The following BRD7 variants were observed in gnomAD, a reference collection of about 807,000 sequenced individuals.
BRD7 encodes the protein bromodomain containing 7.
A neutral mutation model predicts 82.1 loss-of-function variants in BRD7; 15 were observed. That is an observed-to-expected ratio of 0.18 (90% CI 0.12 to 0.28). BRD7 has a LOEUF of 0.28. Ranked by LOEUF, BRD7 falls within the 10% of genes least tolerant of loss-of-function variation. The pLI is 1.00. For missense variants in BRD7, 638 were observed against 779.9 expected (o/e 0.82, Z 2.17); for synonymous variants, 232 against 266.9 (o/e 0.87, Z 1.27).
chr16:50,351,911 G>A (rs1380801772), intron 4 of BRD7, among the ~76,000 whole-genome samples: 1 of 148,786 alleles, frequency 6.7e-6, no homozygotes, highest in African/African-American at 2.5e-5. Flanking sequence ...CCAAACACTT[G>A]TTATTTCTTT....
chr16:50,333,368 T>A (rs1169534321), intron 8 of BRD7, among the ~76,000 whole-genome samples: 1 of 152,178 alleles, frequency 6.6e-6, no homozygotes, highest in African/African-American at 2.4e-5. Context: ...GTTGAAAATA[T>A]CATGAGTTGA....
chr16:50,344,343 C>G (rs564609637), intron 5 of BRD7, among the ~76,000 whole-genome samples: 10 of 152,294 alleles, frequency 6.6e-5, no homozygotes, highest in African/African-American at 2.2e-4. Flanking sequence ...TTCTACAAAT[C>G]AGAGCACCTC....
intron 7 of BRD7, 144 bp downstream of exon 7, chr16:50,334,567 A>G: frequency 1.1e-6 from 1 of 911,452 alleles, no homozygotes; most frequent in Non-Finnish European, 1.7e-6. Flanking sequence ...GTATCACACC[A>G]TCAAAATGGA....
intron 1 of BRD7, 152 bp from the exon 2 acceptor site, chr16:50,368,450 G>C (rs1041832210): frequency 3.3e-6 from 3 of 917,330 alleles, no homozygotes; most frequent in South Asian, 3.6e-5. Context: ...ACCCCGGCCC[G>C]GGGGTGCGGC....
At chr16:50,329,055 T>C (rs2037453808) in intron 8 of BRD7, among the ~76,000 whole-genome samples, 1 of 152,228 alleles carries the variant, frequency 6.6e-6, no homozygotes, top group African/African-American at 2.4e-5. Context: ...TTTCAGATTT[T>C]GGAGAATTTC....
chr16:50,350,094 G>A lies in BRD7; in HGVS notation c.520C>T (p.His174Tyr), dbSNP rs116822430. The A allele has an allele frequency of 8.1e-6, 13 of 1,604,484 alleles. No individual in the cohort carries two copies. The East Asian group carries it at 2.9e-4, about 36-fold the overall frequency. Residue 174 changes from histidine to tyrosine, a missense_variant, in exon 5 of 17, where the codon CAC (histidine) becomes TAC (tyrosine). Physicochemically the swap from His to Tyr is moderately conservative, Grantham distance 83. This residue lies in a region of BRD7 where 64 missense variants were observed against 123.8 expected (regional missense o/e 0.52). Coordinates refer to ENST00000394688, the MANE Select transcript of BRD7 (RefSeq NM_013263.5). ...TTCATGGTACTAAAATCCATTGGGT[G>A]TTTAATGATCATGGAGTAGCCAGGA... ...IAPGYSMIIK[H>Y]PMDFSTMKEK...
chr16:50,365,852 A>G (rs2039123109), intron 2 of BRD7, among the ~76,000 whole-genome samples: 1 of 152,146 alleles, frequency 6.6e-6, no homozygotes, highest in African/African-American at 2.4e-5. Context: ...TCTAAAGGGC[A>G]GGAGTTCCAG....
chr16:50,333,889 A>G (rs951626841), intron 7 of BRD7, among the ~76,000 whole-genome samples, 192 bp from the exon 8 acceptor site: 1 of 152,228 alleles, frequency 6.6e-6, no homozygotes, highest in Non-Finnish European at 1.5e-5. Context: ...CACACCTAAC[A>G]TGTTATTTCC....
intron 5 of BRD7, among the ~76,000 whole-genome samples, chr16:50,343,019 C>G (rs1466146761): frequency 1.3e-5 from 2 of 152,166 alleles, no homozygotes; most frequent in Non-Finnish European, 2.9e-5. Flanking sequence ...TTTCTATACT[C>G]TTCTTAAAGC....
intron 16 of BRD7, among the ~76,000 whole-genome samples, chr16:50,319,498 A>AT (rs543992909): frequency 9.8e-5 from 15 of 152,360 alleles, no homozygotes; most frequent in African/African-American, 3.1e-4. Context: ...TAGTTTATAC[A>AT]TTAAAAACAG....
In BRD7 at chr16:50,318,981, T is replaced by G. The variant is rs756269860; in HGVS notation, c.*230A>C. The G allele has an allele frequency of 1.8e-4, 81 of 456,986 alleles. No individual in the cohort carries two copies. The highest frequency in any genetic ancestry group is 2.8e-4 in the Non-Finnish European group (70 of 254,290). 28.3% of individuals were successfully genotyped at this position (456,986 alleles called of 1,614,324 possible). On this transcript the variant is annotated 3_prime_UTR_variant, in exon 17 of 17. Coordinates refer to ENST00000394688, the MANE Select transcript of BRD7 (RefSeq NM_013263.5). ...GAAGAAGCATTGGAAGGCACTATTT[T>G]GAAAGAATGCTGCACAGGTATGGCA... is the stretch of plus-strand genomic sequence containing the variant.
chr16:50,360,809 T>C (rs1010900735), intron 2 of BRD7, among the ~76,000 whole-genome samples: 6 of 152,224 alleles, frequency 3.9e-5, no homozygotes, highest in African/African-American at 7.2e-5. Flanking sequence ...ATGCTACTCA[T>C]AGGCCCCTTT....
chr16:50,355,616 T>C (rs1230514792), intron 2 of BRD7, among the ~76,000 whole-genome samples: 1 of 152,190 alleles, frequency 6.6e-6, no homozygotes. Context: ...AAAAGGGTGG[T>C]GCTGAGACAA....
intron 1 of BRD7, 77 bp from the exon 2 acceptor site, chr16:50,368,375 A>T: frequency 4.8e-6 from 7 of 1,470,248 alleles, no homozygotes; most frequent in Non-Finnish European, 6.5e-6. Context: ...AAGGATGCAG[A>T]GCGCCAAGGC....
chr16:50,318,376 A>G lies in BRD7; in HGVS notation c.*835T>C, dbSNP rs1303034975. On this transcript the variant is annotated 3_prime_UTR_variant, in exon 17 of 17. Transcript: ENST00000394688. ...TAGAAGGATTGTATAAGGGCCTTCAAACTTAATTTGTTCACTGAACAAGGC... is the reference window on the plus strand; with the variant it reads ...TAGAAGGATTGTATAAGGGCCTTCAGACTTAATTTGTTCACTGAACAAGGC... 6.6e-6 allele frequency: 1 copy of G among 151,150 alleles called. No individual in the cohort carries two copies. Among genetic ancestry groups the G allele is most frequent in the East Asian group, 1.9e-4 (1 of 5,142 alleles). The allele number at this position is 151,150 out of a possible 1,614,324, so 9.4% of individuals were successfully genotyped here.
intron 1 of BRD7, 32 bp downstream of exon 1, chr16:50,368,694 G>GCCCC: frequency 6.8e-7 from 1 of 1,465,702 alleles, no homozygotes; most frequent in East Asian, 3.2e-5. Flanking sequence ...GCCGCCGAGG[G>GCCCC]CCCGCCGCCC....
chr16:50,362,006 C>G (rs1397561376), intron 2 of BRD7, among the ~76,000 whole-genome samples: 1 of 152,112 alleles, frequency 6.6e-6, no homozygotes, highest in African/African-American at 2.4e-5. Context: ...CCATTAAGTA[C>G]AATACTCATG....
rs1259137606 is a variant in BRD7, at chr16:50,326,269, A to G, written c.1195+15T>C. On this transcript the variant is annotated intron_variant, in intron 10 of 16. Transcript: ENST00000394688. ...ACAGAGAAGAGAAAAAATGACTCCT[A>G]TGCAGGAGCCTCACCTGGAGTGACT... 3 of 1,604,182 alleles carry G rather than the reference A, an allele frequency of 1.9e-6. No individual in the cohort carries two copies. Among genetic ancestry groups the G allele is most frequent in the Admixed American group, 3.3e-5 (2 of 59,920 alleles).
intron 9 of BRD7, among the ~76,000 whole-genome samples, chr16:50,326,723 T>C (rs1429917357): frequency 6.6e-6 from 1 of 152,158 alleles, no homozygotes; most frequent in Non-Finnish European, 1.5e-5. Context: ...AAGATGAAAG[T>C]TAACCAGTAC....
Sources: allele counts gnomAD v4.1 joint callset (sites outside exome capture counted in the v4.1 genomes callset), GRCh38; gene constraint gnomAD v4.1.1; regional missense constraint gnomAD v4.1.1; transcripts MANE v1.5; gene names NCBI Gene and HGNC (gene_info 2026-07-23, HGNC 2026-07-21).